Variants in CMKLR1 observed in about 807,000 individuals in gnomAD.
CMKLR1 encodes the protein chemerin-like receptor 1.
A neutral mutation model predicts 8.2 loss-of-function variants in CMKLR1; 6 were observed. That is an observed-to-expected ratio of 0.73 (90% CI 0.40 to 1.44). The LOEUF (loss-of-function observed/expected upper bound fraction) is 1.44. Among genes scored for constraint, CMKLR1 ranks in the 40% most tolerant of loss-of-function variants. CMKLR1 has a pLI of 0.02. For missense variants in CMKLR1, 429 were observed against 478.0 expected, an observed-to-expected ratio of 0.90 and a Z score of 0.96; for synonymous variants, 178 against 181.2, an observed-to-expected ratio of 0.98 and a Z score of 0.14.
chr12:108,302,206 T>C (rs1891295083), intron 2 of CMKLR1, among the ~76,000 whole-genome samples: 1 of 152,194 alleles, frequency 6.6e-6, no homozygotes, highest in African/African-American at 2.4e-5. Flanking sequence ...ATTCTACACC[T>C]TCTAGACTGT....
intron 2 of CMKLR1, among the ~76,000 whole-genome samples, chr12:108,314,940 T>TTTTG (rs964194913): frequency 2.0e-5 from 3 of 149,538 alleles, no homozygotes; most frequent in African/African-American, 7.5e-5. Context: ...CCTTGTTTTT[T>TTTTG]TTTTTTTTTT....
intron 2 of CMKLR1, among the ~76,000 whole-genome samples, chr12:108,319,383 G>A (rs1166921172): frequency 6.6e-6 from 1 of 152,166 alleles, no homozygotes; most frequent in Non-Finnish European, 1.5e-5. Flanking sequence ...GCTAGAAAAT[G>A]GAGGAGCTAG....
At chr12:108,300,428 T>C (rs1449864405) in intron 2 of CMKLR1, among the ~76,000 whole-genome samples, 1 of 152,176 alleles carries the variant, frequency 6.6e-6, no homozygotes, top group Non-Finnish European at 1.5e-5. Flanking sequence ...AATAGTAATA[T>C]CTTACGTAAC....
intron 2 of CMKLR1, among the ~76,000 whole-genome samples, chr12:108,308,996 C>G (rs938731698): frequency 6.6e-6 from 1 of 152,160 alleles, no homozygotes; most frequent in Admixed American, 6.5e-5. Context: ...ACATCTGGAG[C>G]CAGACTGCCT....
intron 1 of CMKLR1, among the ~76,000 whole-genome samples, chr12:108,331,298 T>C (rs1414844128): frequency 1.3e-5 from 2 of 152,076 alleles, no homozygotes; most frequent in African/African-American, 4.8e-5. Flanking sequence ...AGTCAGCAGG[T>C]TCATAAGTGC....
chr12:108,305,599 C>A (rs1364611556), intron 2 of CMKLR1, among the ~76,000 whole-genome samples: 1 of 152,218 alleles, frequency 6.6e-6, no homozygotes, highest in Non-Finnish European at 1.5e-5. Context: ...TCCAGAGACA[C>A]CTCCAGATCC....
At chr12:108,321,734 C>G (rs1891866056) in intron 2 of CMKLR1, among the ~76,000 whole-genome samples, 2 of 152,166 alleles carry the variant, frequency 1.3e-5, no homozygotes, top group Non-Finnish European at 2.9e-5. Flanking sequence ...TCTAAGACAC[C>G]CTGATGCCCT....
At chr12:108,325,548 C>A (rs899692008) in intron 2 of CMKLR1, among the ~76,000 whole-genome samples, 26 of 152,108 alleles carry the variant, frequency 1.7e-4, no homozygotes, top group African/African-American at 5.8e-4. Context: ...CTGGCTGTTG[C>A]AAATACCAAA....
rs1381150745 is a variant in CMKLR1 at position 108,290,654 on chromosome 12, T to C, written c.*1187A>G. ...TTGTAAATGGGGCTATGACACTCTG[T>C]GGCCACAGGGACGTGTCAGTATTAG... On this transcript the variant is annotated 3_prime_UTR_variant, in exon 4 of 4. Transcript: ENST00000550402. 6.6e-6 allele frequency: 1 copy of C among 152,208 alleles called. No individual in the cohort carries two copies. The highest frequency in any genetic ancestry group is 1.9e-4 in the East Asian group (1 of 5,186). The allele number at this position is 152,208 out of a possible 1,614,324, so 9.4% of individuals were successfully genotyped here.
At chr12:108,294,517 A>G (rs1209131461) in intron 2 of CMKLR1, among the ~76,000 whole-genome samples, 4 of 152,246 alleles carry the variant, frequency 2.6e-5, no homozygotes, top group Admixed American at 2.0e-4. Flanking sequence ...GGCTTTGGGC[A>G]AGTGATTTCT....
At chr12:108,298,097 A>G (rs1891181999) in intron 2 of CMKLR1, among the ~76,000 whole-genome samples, 1 of 152,182 alleles carries the variant, frequency 6.6e-6, no homozygotes, top group Admixed American at 6.5e-5. Flanking sequence ...TCTACAACTG[A>G]TCACATTTCC....
chr12:108,304,049 G>T (rs111365424), intron 2 of CMKLR1, among the ~76,000 whole-genome samples: 4,812 of 152,296 alleles, frequency 0.032, 102 homozygotes, highest in Non-Finnish European at 0.049. Flanking sequence ...CTGAAGCTGA[G>T]GCAGGGGAGC....
rs1876658703 is a variant in CMKLR1 at position 108,291,516 on chromosome 12, G to GGCA, written c.*322_*324dup. ...TGTCATTTCTGGGGCACACACAATA[G>GGCA]GCAGCTTAATCCCACCGCCCTATGC... On this transcript the variant is annotated 3_prime_UTR_variant, in exon 4 of 4. Coordinates refer to ENST00000550402, the MANE Select transcript of CMKLR1 (RefSeq NM_001142343.2). 3 of 287,990 alleles carry GGCA rather than the reference G, an allele frequency of 1.0e-5. No individual in the cohort carries two copies. The South Asian group carries it at 1.4e-4, about 14-fold the overall frequency. The allele number at this position is 287,990 out of a possible 1,614,324, so 17.8% of individuals were successfully genotyped here.
At position 108,299,133 on chromosome 12, in the gene CMKLR1, C is replaced by T. The variant is rs926703952; in HGVS notation, c.-73-5469G>A. 5.3e-5 allele frequency among the ~76,000 whole-genome samples: 8 copies of T among 152,212 alleles called. 1 individual carries two copies. Among genetic ancestry groups the T allele is most frequent in the Non-Finnish European group, 7.3e-5 (5 of 68,032 alleles). ...TTTGGAGTCAGGACTGGGCAGCAGACGGTCTGGAGAACACTTTGGGCTCTG... is the reference window on the plus strand; with the variant it reads ...TTTGGAGTCAGGACTGGGCAGCAGATGGTCTGGAGAACACTTTGGGCTCTG... On this transcript the variant is annotated intron_variant, in intron 2 of 3. Transcript: ENST00000550402.
intron 2 of CMKLR1, among the ~76,000 whole-genome samples, chr12:108,319,070 A>T (rs1891797963): frequency 6.6e-6 from 1 of 152,044 alleles, no homozygotes; most frequent in South Asian, 2.1e-4. Context: ...TGCCTCCCCT[A>T]GGGCCCCAAG....
At chr12:108,309,116 A>G (rs1340396947) in intron 2 of CMKLR1, among the ~76,000 whole-genome samples, 2 of 152,220 alleles carry the variant, frequency 1.3e-5, no homozygotes, top group East Asian at 3.9e-4. Context: ...TCCCTCACAG[A>G]GTTGTTGCAA....
chr12:108,319,264 C>T (rs1255449420), intron 2 of CMKLR1, among the ~76,000 whole-genome samples: 2 of 152,218 alleles, frequency 1.3e-5, no homozygotes, highest in East Asian at 3.8e-4. Flanking sequence ...AGGGTCCTTT[C>T]CATCCCTTAC....
At chr12:108,302,895 C>G (rs1385662592) in intron 2 of CMKLR1, among the ~76,000 whole-genome samples, 2 of 152,106 alleles carry the variant, frequency 1.3e-5, no homozygotes, top group South Asian at 4.2e-4. Context: ...AAAATACAAG[C>G]GCAGGGACTT....
rs901430528 is a variant in CMKLR1 at position 108,291,786 on chromosome 12, T to C, written c.*55A>G. The C allele has an allele frequency of 5.2e-6, 8 of 1,532,480 alleles. No individual in the cohort carries two copies. The highest frequency in any genetic ancestry group is 6.2e-6 in the Non-Finnish European group (7 of 1,135,350). The allele number at this position is 1,532,480 out of a possible 1,614,324, so 94.9% of individuals were successfully genotyped here. A position where few individuals can be genotyped will look rare whatever the true frequency, so the allele number is the denominator to read the frequency against. On this transcript the variant is annotated 3_prime_UTR_variant, in exon 4 of 4. Coordinates refer to ENST00000550402, the MANE Select transcript of CMKLR1 (RefSeq NM_001142343.2). The stretch of plus-strand genomic sequence containing the variant: ...TTCTTGCCTTGATCTTCAGAAGACA[T>C]ATCCTTGGGTGTCCCTGGGTTGAGA...
Sources: allele counts gnomAD v4.1 joint callset (sites outside exome capture counted in the v4.1 genomes callset), GRCh38; gene constraint gnomAD v4.1.1; transcripts MANE v1.5; gene names NCBI Gene and HGNC (gene_info 2026-07-23, HGNC 2026-07-21).